Variants in LIMA1 observed in about 807,000 individuals in gnomAD.
LIMA1 encodes the protein LIM domain and actin binding 1.
Under a neutral mutation model 62.6 loss-of-function variants are expected in LIMA1, and 52 were observed. That is an observed-to-expected ratio of 0.83 (90% confidence interval 0.67 to 1.05). The LOEUF (loss-of-function observed/expected upper bound fraction) is 1.05, where lower values mean the gene tolerates loss of function less well. Among genes scored for constraint, LIMA1 ranks in the 50% least tolerant of loss-of-function variants. The pLI, the probability that LIMA1 is intolerant of heterozygous loss-of-function variation, is 0.00. For synonymous variants in LIMA1, 302 were observed against 317.8 expected, an observed-to-expected ratio of 0.95 and a Z score of 0.53; for missense variants, 780 against 902.2, an observed-to-expected ratio of 0.86 and a Z score of 1.74.
intron 2 of LIMA1, among the ~76,000 whole-genome samples, chr12:50,239,946 A>T (rs1941749442): frequency 6.6e-6 from 1 of 152,066 alleles, no homozygotes; most frequent in Non-Finnish European, 1.5e-5. Flanking sequence ...GTGTGCCGTG[A>T]TGGCGCCACT....
At chr12:50,191,714 CGGGAGGCCG>C (rs1216878388) in intron 9 of LIMA1, among the ~76,000 whole-genome samples, 1 of 151,942 alleles carries the variant, frequency 6.6e-6, no homozygotes, top group Admixed American at 6.6e-5. Context: ...CCCAGCTACT[CGGGAGGCCG>C]AGGTAGGAGA....
At chr12:50,222,897 A>G (rs914099290) in intron 3 of LIMA1, among the ~76,000 whole-genome samples, 1 of 152,354 alleles carries the variant, frequency 6.6e-6, no homozygotes, top group South Asian at 2.1e-4. Flanking sequence ...TACCTGCCAT[A>G]AAATAACATG....
At chr12:50,207,836 G>A (rs975007066) in intron 4 of LIMA1, among the ~76,000 whole-genome samples, 3 of 150,390 alleles carry the variant, frequency 2.0e-5, no homozygotes, top group Non-Finnish European at 4.4e-5. Context: ...GTTGCAGGGA[G>A]CAGAGATCGC....
intron 1 of LIMA1, among the ~76,000 whole-genome samples, chr12:50,253,200 G>C (rs1281511037): frequency 6.6e-6 from 1 of 152,144 alleles, no homozygotes; most frequent in African/African-American, 2.4e-5. Flanking sequence ...AGACATACAT[G>C]TCAGCAAGAG....
chr12:50,236,299 T>C (rs912669631), intron 2 of LIMA1, among the ~76,000 whole-genome samples: 1 of 116,628 alleles, frequency 8.6e-6, no homozygotes, highest in Non-Finnish European at 1.6e-5. Flanking sequence ...TATTTTTTTT[T>C]CTTTTTTTTT....
chr12:50,206,902 A>C (rs1941163946), intron 4 of LIMA1, among the ~76,000 whole-genome samples: 1 of 152,020 alleles, frequency 6.6e-6, no homozygotes. Flanking sequence ...ATATATTTCC[A>C]GGACTTACAG....
chr12:50,177,986 T>G lies in LIMA1; in HGVS notation c.1358A>C (p.Asp453Ala). ...GTGTGGTCTGTGCCCAAAGCCTTCA[T>G]CATAGTTGCCCTTAGATTTAAAGAG... Reference protein sequence around the residue: ...NQLFKSKGNYDEGFGHRPHKD... With the variant: ...NQLFKSKGNYAEGFGHRPHKD... Residue 453 changes from aspartate to alanine, a missense_variant, in exon 11 of 11, where the codon GAT (aspartate) becomes GCT (alanine). Asp to Ala is a moderately radical substitution (Grantham distance 126). Transcript: ENST00000341247. The G allele has an allele frequency of 1.2e-6, 2 of 1,602,932 alleles. No homozygotes were observed. Among genetic ancestry groups the G allele is most frequent in the Non-Finnish European group, 1.7e-6 (2 of 1,176,926 alleles).
At chr12:50,223,909 G>A (rs749615340) in intron 3 of LIMA1, among the ~76,000 whole-genome samples, 16 of 151,458 alleles carry the variant, frequency 1.1e-4, no homozygotes, top group South Asian at 2.1e-4. Context: ...GTGGTGGCAC[G>A]CGCCTGTAGT....
chr12:50,227,856 C>CT lies in LIMA1; in HGVS notation c.165+3808dup, dbSNP rs1365858204. On this transcript the variant is annotated intron_variant, in intron 3 of 10. Coordinates refer to ENST00000341247, the MANE Select transcript of LIMA1 (RefSeq NM_016357.5). Reference sequence around the variant, plus strand: ...TATTTGATATGGTAATTTTTTTTTTCTTTTTTTTTTTTTTGAGACGGAGTC... The same window carrying CT: ...TATTTGATATGGTAATTTTTTTTTTCTTTTTTTTTTTTTTTGAGACGGAGTC... 8.9e-3 allele frequency among the ~76,000 whole-genome samples: 1,237 copies of CT among 139,596 alleles called. 13 individuals carry two copies. The highest frequency in any genetic ancestry group is 0.026 in the African/African-American group (974 of 37,994). 91.6% of individuals were successfully genotyped at this position (139,596 alleles called of 152,430 possible). A position where few individuals can be genotyped will look rare whatever the true frequency, so the allele number is the denominator to read the frequency against.
chr12:50,273,574 TA>T (rs1442343821), intron 1 of LIMA1, among the ~76,000 whole-genome samples: 1 of 152,100 alleles, frequency 6.6e-6, no homozygotes, highest in African/African-American at 2.4e-5. Context: ...AAAATGGAAT[TA>T]AAAAAGACTA....
At chr12:50,212,454 C>A (rs1371163596) in intron 4 of LIMA1, among the ~76,000 whole-genome samples, 1 of 152,158 alleles carries the variant, frequency 6.6e-6, no homozygotes, top group Non-Finnish European at 1.5e-5. Context: ...AGAAAAATTT[C>A]TTTCTTCAGG....
intron 1 of LIMA1, among the ~76,000 whole-genome samples, chr12:50,258,803 A>G (rs1942031045): frequency 1.3e-5 from 2 of 151,504 alleles, no homozygotes; most frequent in Non-Finnish European, 2.9e-5. Flanking sequence ...ATGCGCCACC[A>G]CACCCGAGTA....
chr12:50,217,711 G>T (rs551137934), intron 4 of LIMA1: 3 of 279,200 alleles, frequency 1.1e-5, no homozygotes, highest in African/African-American at 4.6e-5. Context: ...TACAGTGGGG[G>T]GAAGGTGTTC....
chr12:50,268,220 C>T (rs1942163019), intron 1 of LIMA1, among the ~76,000 whole-genome samples: 2 of 152,088 alleles, frequency 1.3e-5, no homozygotes, highest in South Asian at 4.1e-4. Flanking sequence ...CCTGACTGCT[C>T]ATTAATATTC....
At chr12:50,264,567 C>A (rs1047875968) in intron 1 of LIMA1, among the ~76,000 whole-genome samples, 5 of 152,200 alleles carry the variant, frequency 3.3e-5, no homozygotes, top group African/African-American at 1.2e-4. Context: ...CTAGTGTTTA[C>A]CAGATGCATG....
intron 1 of LIMA1, among the ~76,000 whole-genome samples, chr12:50,258,719 CTCACTGCAACCTCTGCCTCCCGGCT>C (rs1432491074): frequency 6.3e-5 from 9 of 143,518 alleles, no homozygotes; most frequent in African/African-American, 1.3e-4. Context: ...GCGATCTCGG[CTCACTGCAACCTCTGCCTCCCGGCT>C]TCAAGCCACT....
intron 9 of LIMA1, among the ~76,000 whole-genome samples, chr12:50,191,767 A>G (rs548995570): frequency 6.6e-6 from 1 of 152,316 alleles, no homozygotes; most frequent in African/African-American, 2.4e-5. Flanking sequence ...GCTTGCAGTG[A>G]GCCAAGATAG....
chr12:50,243,203 A>G (rs1250263292), intron 2 of LIMA1, among the ~76,000 whole-genome samples: 1 of 152,238 alleles, frequency 6.6e-6, no homozygotes, highest in East Asian at 1.9e-4. Flanking sequence ...CTATACATAT[A>G]AACACAAAAT....
At position 50,183,551 on chromosome 12, in the gene LIMA1, C is replaced by T. The variant is rs142798409; in HGVS notation, c.1141-1514G>A. Reference sequence around the variant, plus strand: ...AAAATAGGCTGGGTGTAGTGTCTCACGCCCATAATCCCACACTTTGGGAGG... The same window carrying T: ...AAAATAGGCTGGGTGTAGTGTCTCATGCCCATAATCCCACACTTTGGGAGG... On this transcript the variant is annotated intron_variant, in intron 9 of 10. Transcript: ENST00000341247. Among the ~76,000 whole-genome samples the T allele has an allele frequency of 7.9e-5, 12 of 152,174 alleles. No individual in the cohort carries two copies. In the South Asian group the frequency reaches 1.5e-3, roughly 18 times the overall value.
Sources: allele counts gnomAD v4.1 joint callset (sites outside exome capture counted in the v4.1 genomes callset), GRCh38; gene constraint gnomAD v4.1.1; transcripts MANE v1.5; gene names NCBI Gene and HGNC (gene_info 2026-07-23, HGNC 2026-07-21).